CPA6: variants seen among roughly 807,000 people sequenced by gnomAD.
CPA6 encodes the protein carboxypeptidase B.
Under a neutral mutation model 63.3 loss-of-function variants are expected in CPA6, and 58 were observed. The ratio of observed to expected loss-of-function variants is 0.92; its 90% confidence interval spans 0.74 to 1.14. CPA6 has a LOEUF of 1.14. Among genes scored for constraint, CPA6 ranks in the 50% most tolerant of loss-of-function variants. The probability of loss-of-function intolerance (pLI) is 0.00; values close to 1 mark genes in which losing one functional copy is unlikely to be tolerated. For missense variants in CPA6, 565 were observed against 526.6 expected (o/e 1.07, Z -0.71); for synonymous variants, 185 against 179.0 (o/e 1.03, Z -0.27).
intron 6 of CPA6, among the ~76,000 whole-genome samples, chr8:67,498,330 G>T (rs1420715389): frequency 2.0e-5 from 3 of 151,914 alleles, no homozygotes; most frequent in Non-Finnish European, 4.4e-5. Context: ...GAGGGCAGGA[G>T]TTTGGGACCA....
At chr8:67,536,955 T>C (rs1812598054) in intron 2 of CPA6, among the ~76,000 whole-genome samples, 1 of 152,188 alleles carries the variant, frequency 6.6e-6, no homozygotes, top group African/African-American at 2.4e-5. Context: ...GAGATAATCG[T>C]GTGGTTTTTG....
At chr8:67,534,364 G>A (rs190349479) in intron 2 of CPA6, among the ~76,000 whole-genome samples, 13 of 152,156 alleles carry the variant, frequency 8.5e-5, no homozygotes, top group Admixed American at 3.3e-4. Flanking sequence ...AAGGTGGCAG[G>A]GCCAGTGGCT....
At chr8:67,434,848 AAAAAGGCT>A (rs1810112075) in intron 8 of CPA6, among the ~76,000 whole-genome samples, 1 of 152,194 alleles carries the variant, frequency 6.6e-6, no homozygotes, top group Non-Finnish European at 1.5e-5. Flanking sequence ...GCCAACCAGG[AAAAAGGCT>A]AAATCCACCC....
chr8:67,573,501 A>C (rs1012086459), intron 2 of CPA6, among the ~76,000 whole-genome samples: 5 of 149,306 alleles, frequency 3.3e-5, no homozygotes, highest in African/African-American at 1.3e-4. Context: ...AAAAGAAATC[A>C]AGAGAACAAT....
At chr8:67,733,206 AAAAAAAAAAAAAAAAAAAT>A (rs1817744158) in intron 1 of CPA6, among the ~76,000 whole-genome samples, 3 of 133,052 alleles carry the variant, frequency 2.3e-5, no homozygotes, top group Non-Finnish European at 3.3e-5. Flanking sequence ...CAAAAAAAAA[AAAAAAAAAAAAAAAAAAAT>A]AAAAAAATTT....
At chr8:67,560,453 C>T (rs796543927) in intron 2 of CPA6, among the ~76,000 whole-genome samples, 22 of 152,200 alleles carry the variant, frequency 1.4e-4, no homozygotes, top group African/African-American at 4.8e-4. Context: ...TTCTGCAAGT[C>T]CTTTGATCTT....
chr8:67,734,356 A>G (rs1817774315), intron 1 of CPA6, among the ~76,000 whole-genome samples: 1 of 152,036 alleles, frequency 6.6e-6, no homozygotes, highest in South Asian at 2.1e-4. Flanking sequence ...AAAAAAAAAA[A>G]AAAAAGAAAA....
intron 1 of CPA6, among the ~76,000 whole-genome samples, chr8:67,730,127 G>A (rs1294880010): frequency 6.6e-6 from 1 of 152,142 alleles, no homozygotes; most frequent in African/African-American, 2.4e-5. Context: ...ATAGGTTAGT[G>A]GCCCAGTCCC....
At chr8:67,595,153 C>A (rs1375888639) in intron 2 of CPA6, among the ~76,000 whole-genome samples, 1 of 152,126 alleles carries the variant, frequency 6.6e-6, no homozygotes, top group Non-Finnish European at 1.5e-5. Flanking sequence ...CACTCCAGAC[C>A]CTGTTTGCCT....
chr8:67,646,932 A>C (rs547753514), intron 1 of CPA6, among the ~76,000 whole-genome samples: 1 of 152,358 alleles, frequency 6.6e-6, no homozygotes, highest in East Asian at 1.9e-4. Context: ...TTTTATTCTT[A>C]GCACAATGAA....
chr8:67,616,090 C>T (rs1230237342), intron 2 of CPA6, among the ~76,000 whole-genome samples: 1 of 152,166 alleles, frequency 6.6e-6, no homozygotes, highest in African/African-American at 2.4e-5. Flanking sequence ...GTGGCTTACT[C>T]CCTTGGCTAC....
chr8:67,633,568 C>A (rs1244224674), intron 1 of CPA6, among the ~76,000 whole-genome samples: 1 of 151,692 alleles, frequency 6.6e-6, no homozygotes, highest in Non-Finnish European at 1.5e-5. Flanking sequence ...GTAGTCCCAG[C>A]TACTCGGGAG....
intron 9 of CPA6, among the ~76,000 whole-genome samples, chr8:67,430,522 G>C (rs76603035): frequency 6.6e-6 from 1 of 151,938 alleles, no homozygotes; most frequent in South Asian, 2.1e-4. Context: ...CAGAAATACC[G>C]AATCTTACAT....
intron 10 of CPA6, among the ~76,000 whole-genome samples, chr8:67,425,549 T>C (rs1809864241): frequency 6.6e-6 from 1 of 152,102 alleles, no homozygotes; most frequent in Admixed American, 6.5e-5. Context: ...TAATTTTTTG[T>C]ATTTTTAGTA....
chr8:67,554,862 G>T (rs1813024359), intron 2 of CPA6, among the ~76,000 whole-genome samples: 1 of 152,142 alleles, frequency 6.6e-6, no homozygotes, highest in Non-Finnish European at 1.5e-5. Context: ...GATGGCCCTT[G>T]CCTGCATGGA....
chr8:67,586,514 T>C (rs973316686), intron 2 of CPA6, among the ~76,000 whole-genome samples: 3 of 152,162 alleles, frequency 2.0e-5, no homozygotes, highest in Non-Finnish European at 4.4e-5. Context: ...TACTAGTGTA[T>C]AAAATAAGAA....
chr8:67,713,227 C>A (rs1587722170), intron 1 of CPA6, among the ~76,000 whole-genome samples: 2 of 148,796 alleles, frequency 1.3e-5, no homozygotes, highest in South Asian at 4.3e-4. Flanking sequence ...GACTACTGTA[C>A]CTTTTGTCTA....
chr8:67,449,427 A>C (rs1810505815), intron 8 of CPA6, among the ~76,000 whole-genome samples: 1 of 152,186 alleles, frequency 6.6e-6, no homozygotes, highest in South Asian at 2.1e-4. Flanking sequence ...CAGTTTTATC[A>C]GCTTTTTTGT....
chr8:67,586,926 G>A (rs997645155), intron 2 of CPA6, among the ~76,000 whole-genome samples: 1 of 152,296 alleles, frequency 6.6e-6, no homozygotes, highest in Admixed American at 6.5e-5. Context: ...CATGTTATTG[G>A]TAATAGTATG....
Sources: allele counts gnomAD v4.1 joint callset (sites outside exome capture counted in the v4.1 genomes callset), GRCh38; gene constraint gnomAD v4.1.1; transcripts MANE v1.5; gene names NCBI Gene and HGNC (gene_info 2026-07-23, HGNC 2026-07-21).